DUS2: variants seen among roughly 807,000 people sequenced by gnomAD.
The protein encoded by DUS2 is dihydrouridine synthase 2.
Under a neutral mutation model 71.3 loss-of-function variants are expected in DUS2, and 52 were observed. The observed-to-expected ratio is 0.73, with a 90% CI of 0.58 to 0.92. DUS2 has a LOEUF of 0.92. DUS2 is among the 40% of genes least tolerant of loss of function. DUS2 has a pLI of 0.00. For missense variants in DUS2, 558 were observed against 622.6 expected, an observed-to-expected ratio of 0.90 and a Z score of 1.10; for synonymous variants, 204 against 227.8, an observed-to-expected ratio of 0.90 and a Z score of 0.94.
chr16:68,068,584 C>CTTTTT (rs59827856), intron 10 of DUS2, among the ~76,000 whole-genome samples: 1 of 67,274 alleles, frequency 1.5e-5, no homozygotes. Flanking sequence ...CTTTCTCTCT[C>CTTTTT]TTTTTTTTTT....
At chr16:68,042,047 C>T (rs1173361127) in intron 3 of DUS2, among the ~76,000 whole-genome samples, 2 of 152,126 alleles carry the variant, frequency 1.3e-5, no homozygotes, top group African/African-American at 4.8e-5. Context: ...CCACTGGTAA[C>T]TACCATTCTA....
chr16:68,040,980 C>T (rs933119082), intron 3 of DUS2, among the ~76,000 whole-genome samples: 3 of 152,190 alleles, frequency 2.0e-5, no homozygotes, highest in Non-Finnish European at 2.9e-5. Flanking sequence ...CCTGCAATCC[C>T]AGCACTTTGG....
At chr16:68,058,924 G>A (rs969818088) in intron 7 of DUS2, among the ~76,000 whole-genome samples, 3 of 152,206 alleles carry the variant, frequency 2.0e-5, no homozygotes, top group Non-Finnish European at 4.4e-5. Context: ...AAAAAGCATA[G>A]ATTGAGGCTG....
chr16:68,078,499 A>C lies in DUS2; in HGVS notation c.1225A>C (p.Lys409Gln). ...CTCTATTGTCACCGTTGCTGAACAA[A>C]AGTATCAGTCTACCTTGTGGTAAGT... is the stretch of plus-strand genomic sequence containing the variant. ...FSSIVTVAEQ[K>Q]YQSTLWDKSK... The change falls in exon 16 of 17, where the codon AAG becomes CAG. Residue 409 changes from lysine (K) to glutamine (Q), a missense_variant. Lys to Gln is a moderately conservative substitution (Grantham distance 53). Transcript: ENST00000565263. 1 of 1,614,100 alleles carries C rather than the reference A, an allele frequency of 6.2e-7. No homozygotes were observed. The highest frequency in any genetic ancestry group is 8.5e-7 in the Non-Finnish European group (1 of 1,180,034).
intron 7 of DUS2, among the ~76,000 whole-genome samples, chr16:68,056,874 T>C (rs967627750): frequency 1.3e-3 from 189 of 144,840 alleles, no homozygotes; most frequent in Non-Finnish European, 2.2e-3. Flanking sequence ...ATATGTTATA[T>C]AATATATAGG....
Position 68,075,471 on chromosome 16 carries a change from C to G in DUS2, c.1049C>G (p.Ser350Cys), listed in dbSNP as rs757696821. The G allele has an allele frequency of 1.2e-6, 2 of 1,613,576 alleles. No individual in the cohort carries two copies. The highest frequency in any genetic ancestry group is 1.7e-6 in the Non-Finnish European group (2 of 1,179,748). ...ACAGGGGAGCCAGCTGAAGATACCT[C>G]TGGTGTCATTAAGATGGCTGTCAAG... ...EQTGEPAEDT[S>C]GVIKMAVKFD... The change falls in exon 14 of 17, where the codon TCT becomes TGT. Residue 350 changes from serine (S) to cysteine (C), a missense_variant. Coordinates refer to ENST00000565263, the MANE Select transcript of DUS2 (RefSeq NM_017803.5).
At chr16:68,074,637 C>T (rs2034132572) in intron 13 of DUS2, among the ~76,000 whole-genome samples, 1 of 152,238 alleles carries the variant, frequency 6.6e-6, no homozygotes, top group Admixed American at 6.5e-5. Flanking sequence ...TCCCTGTCTA[C>T]CTGTCTGCTT....
intron 10 of DUS2, among the ~76,000 whole-genome samples, chr16:68,066,968 C>T (rs914987296): frequency 6.6e-6 from 1 of 151,530 alleles, no homozygotes. Flanking sequence ...TACCATGCAG[C>T]CAGTACGTGG....
chr16:68,074,622 A>C (rs1028169146), intron 13 of DUS2, among the ~76,000 whole-genome samples: 5 of 152,180 alleles, frequency 3.3e-5, no homozygotes, highest in Non-Finnish European at 7.4e-5. Flanking sequence ...CACTGCCCCC[A>C]CAGCTCCCTG....
At chr16:68,030,277 A>T (rs140640751) in intron 2 of DUS2, among the ~76,000 whole-genome samples, 1 of 152,022 alleles carries the variant, frequency 6.6e-6, no homozygotes, top group East Asian at 1.9e-4. Flanking sequence ...TGAGATAAGA[A>T]CTGTTTCCAA....
chr16:68,043,015 G>A (rs540277232), intron 3 of DUS2, among the ~76,000 whole-genome samples: 1 of 152,050 alleles, frequency 6.6e-6, no homozygotes, highest in Non-Finnish European at 1.5e-5. Flanking sequence ...GCCACATCTG[G>A]CTAATTTTAA....
intron 4 of DUS2, among the ~76,000 whole-genome samples, chr16:68,051,416 G>A (rs1008922264): frequency 6.6e-6 from 1 of 152,096 alleles, no homozygotes; most frequent in African/African-American, 2.4e-5. Flanking sequence ...TTTGTGACCA[G>A]GTCTCACTCT....
At chr16:68,046,730 A>G (rs1355544436) in intron 3 of DUS2, among the ~76,000 whole-genome samples, 1 of 150,358 alleles carries the variant, frequency 6.7e-6, no homozygotes, top group Non-Finnish European at 1.5e-5. Flanking sequence ...GTCAGAAGTA[A>G]CGTTTTCTCT....
chr16:68,052,541 C>T (rs773251795), intron 4 of DUS2, among the ~76,000 whole-genome samples: 3 of 152,134 alleles, frequency 2.0e-5, no homozygotes, highest in Non-Finnish European at 4.4e-5. Context: ...ACTCATAGCA[C>T]CTGTCTCACT....
chr16:68,035,917 TATATATATATATAC>T (rs1189929801), intron 2 of DUS2, among the ~76,000 whole-genome samples: 52 of 81,710 alleles, frequency 6.4e-4, no homozygotes, highest in African/African-American at 2.0e-3. Flanking sequence ...TATATATATA[TATATATATATATAC>T]ACACATACAT....
chr16:68,023,384 CAGA>C, intron 1 of DUS2, 33 bp downstream of exon 1: 1 of 729,822 alleles, frequency 1.4e-6, no homozygotes, highest in Non-Finnish European at 2.2e-6. Context: ...TGGCGACATC[CAGA>C]CCCGGCCAGC....
At chr16:68,029,145 C>T (rs1239582349) in intron 2 of DUS2, among the ~76,000 whole-genome samples, 3 of 150,990 alleles carry the variant, frequency 2.0e-5, no homozygotes, top group African/African-American at 7.3e-5. Context: ...TTTGGGACTG[C>T]AGTGAGCCAT....
At chr16:68,037,868 A>G (rs1277197303) in intron 2 of DUS2, 138 bp from the exon 3 acceptor site, 2 of 897,814 alleles carry the variant, frequency 2.2e-6, no homozygotes, top group South Asian at 1.8e-5. Context: ...AACAAAAACA[A>G]TCAAACATAA....
chr16:68,050,841 A>G (rs1013097556), intron 4 of DUS2, among the ~76,000 whole-genome samples: 4 of 152,228 alleles, frequency 2.6e-5, no homozygotes, highest in Non-Finnish European at 5.9e-5. Flanking sequence ...AGGGGTTCCC[A>G]GTATTTTGCT....
Sources: allele counts gnomAD v4.1 joint callset (sites outside exome capture counted in the v4.1 genomes callset), GRCh38; gene constraint gnomAD v4.1.1; transcripts MANE v1.5; gene names NCBI Gene and HGNC (gene_info 2026-07-23, HGNC 2026-07-21).